Variants in GREM2 observed in about 807,000 individuals in gnomAD.
GREM2 encodes the protein gremlin-2.
In GREM2, 11 loss-of-function variants were observed where a neutral mutation model predicts 14.2. The ratio of observed to expected loss-of-function variants is 0.78; its 90% CI spans 0.49 to 1.28. The LOEUF is 1.28. Among genes scored for constraint, GREM2 ranks in the 50% most tolerant of loss-of-function variants. The probability of loss-of-function intolerance (pLI) is 0.00; values close to 1 mark genes in which losing one functional copy is unlikely to be tolerated. For synonymous variants in GREM2, 98 were observed against 97.6 expected (o/e 1.00, Z -0.02); for missense variants, 210 against 218.5 (o/e 0.96, Z 0.24).
At chr1:240,562,952 ATG>A (rs1241760647) in intron 1 of GREM2, among the ~76,000 whole-genome samples, 31 of 115,850 alleles carry the variant, frequency 2.7e-4, no homozygotes, top group African/African-American at 1.1e-3. Flanking sequence ...GTGAGTGTGT[ATG>A]TGTGTGAGTG....
chr1:240,589,141 T>C (rs1679656056), intron 1 of GREM2: 1 of 151,764 alleles, frequency 6.6e-6, no homozygotes, highest in African/African-American at 2.4e-5. Context: ...AATTTTAAAA[T>C]GACATTAAAT....
intron 1 of GREM2, among the ~76,000 whole-genome samples, chr1:240,602,837 G>A (rs1358916055): frequency 6.6e-6 from 1 of 150,960 alleles, no homozygotes; most frequent in Non-Finnish European, 1.5e-5. Context: ...ACTTTGGGAG[G>A]CCGAGGCAGG....
At chr1:240,521,313 A>C (rs551344397) in intron 1 of GREM2, among the ~76,000 whole-genome samples, 46 of 152,328 alleles carry the variant, frequency 3.0e-4, no homozygotes, top group Admixed American at 2.2e-3. Flanking sequence ...TCACGCCTGT[A>C]ATCCCAGCAC....
chr1:240,609,522 C>T (rs1201994085), intron 1 of GREM2, among the ~76,000 whole-genome samples: 5 of 151,994 alleles, frequency 3.3e-5, no homozygotes, highest in South Asian at 2.1e-4. Context: ...AATTGAACAC[C>T]TTGTCCTTCA....
rs544417020 is a variant in GREM2 at position 240,606,070 on chromosome 1, A to G, written c.-2+5814T>C. On this transcript the variant is annotated intron_variant, in intron 1 of 1. Transcript: ENST00000318160. ...ACTGGGTTTGTCATTTGTTTAGCCT[A>G]TGGTAGATGTGTGTGTTTAGAATTT... 5.9e-5 allele frequency among the ~76,000 whole-genome samples: 9 copies of G among 152,248 alleles called. No individual in the cohort carries two copies. In the South Asian group the frequency reaches 1.9e-3, roughly 32 times the overall value.
At chr1:240,604,565 T>G (rs1679990968) in intron 1 of GREM2, among the ~76,000 whole-genome samples, 1 of 152,192 alleles carries the variant, frequency 6.6e-6, no homozygotes, top group Non-Finnish European at 1.5e-5. Context: ...GTTACATTCG[T>G]AACTAAAGAG....
At chr1:240,495,014 T>A (rs979699748) in intron 1 of GREM2, among the ~76,000 whole-genome samples, 8 of 152,208 alleles carry the variant, frequency 5.3e-5, no homozygotes, top group African/African-American at 1.7e-4. Flanking sequence ...ACAAATTCAA[T>A]AGGAATGAGA....
In GREM2 at chr1:240,567,991, C is replaced by A. The variant is rs545767064; in HGVS notation, c.-2+43893G>T. Among the ~76,000 whole-genome samples, 4 of 152,166 alleles carry A rather than the reference C, an allele frequency of 2.6e-5. No homozygotes were observed. The South Asian group carries it at 6.2e-4, about 24-fold the overall frequency. ...AGATGTGGTGGAGTGTGCCTATAATCCCAGCTACTTGGCAGGCTGAGGCAT... is the reference window on the plus strand; with the variant it reads ...AGATGTGGTGGAGTGTGCCTATAATACCAGCTACTTGGCAGGCTGAGGCAT... On this transcript the variant is annotated intron_variant, in intron 1 of 1. Transcript: ENST00000318160.
chr1:240,606,953 C>T (rs935928274), intron 1 of GREM2, among the ~76,000 whole-genome samples: 2 of 152,176 alleles, frequency 1.3e-5, no homozygotes, highest in African/African-American at 4.8e-5. Flanking sequence ...GCTGGGATTA[C>T]AGGCGTGAGC....
chr1:240,559,134 A>G (rs1349300873), intron 1 of GREM2, among the ~76,000 whole-genome samples: 1 of 152,130 alleles, frequency 6.6e-6, no homozygotes, highest in Non-Finnish European at 1.5e-5. Context: ...GACATTTCAA[A>G]CTATATTAAT....
intron 1 of GREM2, among the ~76,000 whole-genome samples, chr1:240,573,906 G>A (rs1342654748): frequency 6.6e-6 from 1 of 152,022 alleles, no homozygotes; most frequent in Non-Finnish European, 1.5e-5. Context: ...TTTCAAATAA[G>A]ATAATAAGAG....
At chr1:240,578,682 G>A (rs907782407) in intron 1 of GREM2, among the ~76,000 whole-genome samples, 1 of 151,928 alleles carries the variant, frequency 6.6e-6, no homozygotes, top group Non-Finnish European at 1.5e-5. Flanking sequence ...TACTCGGGAG[G>A]CTGAAGCAGG....
chr1:240,577,595 T>C (rs1052939417), intron 1 of GREM2, among the ~76,000 whole-genome samples: 4 of 152,350 alleles, frequency 2.6e-5, no homozygotes, highest in East Asian at 3.9e-4. Context: ...GGGTCTTAAC[T>C]TGAAAACCTC....
rs1464501685 is a variant in GREM2, at chr1:240,584,424, G to C, written c.-2+27460C>G. ...GCAGAAGAATTGTTTTAACCCAGGA[G>C]GTGGAGGTTGCAGTGAGCTGAGATC... is the stretch of plus-strand genomic sequence containing the variant. On this transcript the variant is annotated intron_variant, in intron 1 of 1. Coordinates refer to ENST00000318160, the MANE Select transcript of GREM2 (RefSeq NM_022469.4). 2.0e-5 allele frequency among the ~76,000 whole-genome samples: 3 copies of C among 150,090 alleles called. No individual in the cohort carries two copies. The East Asian group carries it at 5.9e-4, about 29-fold the overall frequency.
At chr1:240,599,785 C>G (rs1001641956) in intron 1 of GREM2, among the ~76,000 whole-genome samples, 7 of 152,200 alleles carry the variant, frequency 4.6e-5, no homozygotes, top group African/African-American at 1.7e-4. Context: ...ATCACACCAG[C>G]TGAAGGCATC....
intron 1 of GREM2, among the ~76,000 whole-genome samples, chr1:240,606,739 C>T (rs891029672): frequency 1.4e-5 from 2 of 145,762 alleles, no homozygotes; most frequent in Admixed American, 7.1e-5. Flanking sequence ...AGTGCAGTGG[C>T]GCGATCTCAG....
chr1:240,580,383 A>G (rs1679462216), intron 1 of GREM2, among the ~76,000 whole-genome samples: 3 of 152,194 alleles, frequency 2.0e-5, no homozygotes, highest in Admixed American at 6.5e-5. Flanking sequence ...TTGAATTTTC[A>G]TAAGCTTTTC....
chr1:240,522,212 G>A (rs933807422), intron 1 of GREM2, among the ~76,000 whole-genome samples: 3 of 151,386 alleles, frequency 2.0e-5, no homozygotes, highest in Admixed American at 6.6e-5. Context: ...AGAAAGAGAC[G>A]AAAAAAGGGA....
chr1:240,503,836 G>T (rs1389019451), intron 1 of GREM2, among the ~76,000 whole-genome samples: 1 of 152,148 alleles, frequency 6.6e-6, no homozygotes, highest in Non-Finnish European at 1.5e-5. Context: ...AATAGATGTG[G>T]TGTAGCTATT....
Sources: allele counts gnomAD v4.1 joint callset (sites outside exome capture counted in the v4.1 genomes callset), GRCh38; gene constraint gnomAD v4.1.1; transcripts MANE v1.5; gene names NCBI Gene and HGNC (gene_info 2026-07-23, HGNC 2026-07-21).